PKD1L1: variants seen among roughly 807,000 people sequenced by gnomAD.
PKD1L1 encodes polycystin-1-like protein 1.
In PKD1L1, 236 loss-of-function variants were observed where a neutral mutation model predicts 323.4. That is an observed-to-expected ratio of 0.73 (90% CI 0.66 to 0.81). PKD1L1 has a LOEUF of 0.81. Among genes scored for constraint, PKD1L1 ranks in the 40% least tolerant of loss-of-function variants. The pLI, the probability that PKD1L1 is intolerant of heterozygous loss-of-function variation, is 0.00. For synonymous variants in PKD1L1, 1,344 were observed against 1,335.0 expected, an observed-to-expected ratio of 1.01 and a Z score of -0.15; for missense variants, 3,320 against 3,508.0, an observed-to-expected ratio of 0.95 and a Z score of 1.35.
upstream of PKD1L1, among the ~76,000 whole-genome samples, chr7:47,953,452 G>A (rs1158206951): frequency 3.9e-5 from 6 of 152,136 alleles, no homozygotes; most frequent in Non-Finnish European, 8.8e-5. Context: ...CTACTTATGT[G>A]AGCCCAGATC....
At chr7:47,957,092 T>G in the PKD1L1 span, 1 of 156,826 alleles carries the variant, frequency 6.4e-6, no homozygotes, top group African/African-American at 2.4e-5. Flanking sequence ...ATATATCTTC[T>G]GCACAGTTTG....
rs1171838451 is a variant in PKD1L1 at position 47,774,674 on chromosome 7, T to C, written c.*469A>G. On this transcript the variant is annotated 3_prime_UTR_variant, in exon 57 of 57. Transcript: ENST00000289672. The stretch of plus-strand genomic sequence containing the variant: ...AATCAGGAAAGATGCGTTATTAATC[T>C]AGCAAGATTCAATTGTTAAATTTAC... 1 of 152,672 alleles carries C rather than the reference T, an allele frequency of 6.5e-6. No individual in the cohort carries two copies. Among genetic ancestry groups the C allele is most frequent in the African/African-American group, 2.4e-5 (1 of 41,468 alleles). 9.5% of individuals were successfully genotyped at this position (152,672 alleles called of 1,614,324 possible). A position where few individuals can be genotyped will look rare whatever the true frequency, so the allele number is the denominator to read the frequency against.
chr7:47,904,134 C>A (rs1472719878), intron 12 of PKD1L1, among the ~76,000 whole-genome samples: 1 of 152,182 alleles, frequency 6.6e-6, no homozygotes, highest in Non-Finnish European at 1.5e-5. Context: ...CCATCCCCAC[C>A]ACATCACAGG....
intron 19 of PKD1L1, among the ~76,000 whole-genome samples, chr7:47,882,657 G>T: frequency 8.2e-6 from 1 of 121,786 alleles, no homozygotes; most frequent in African/African-American, 3.1e-5. Flanking sequence ...AATGCTGTGG[G>T]AATGATCTGC....
chr7:47,819,043 CTTA>C (rs1489182378), intron 46 of PKD1L1, among the ~76,000 whole-genome samples: 2 of 152,150 alleles, frequency 1.3e-5, no homozygotes, highest in African/African-American at 4.8e-5. Context: ...CACTCCTGGG[CTTA>C]TTTAGCTTCT....
At chr7:47,911,911 A>G (rs868127525) in intron 8 of PKD1L1, among the ~76,000 whole-genome samples, 21 of 150,870 alleles carry the variant, frequency 1.4e-4, no homozygotes, top group Middle Eastern at 3.4e-3. Flanking sequence ...TCTTTAAATT[A>G]TGAGTAATGC....
At chr7:47,779,915 A>G (rs1786651924) in intron 56 of PKD1L1, among the ~76,000 whole-genome samples, 1 of 152,222 alleles carries the variant, frequency 6.6e-6, no homozygotes. Flanking sequence ...ATTTGTGACT[A>G]GACTATTCTC....
chr7:47,891,364 T>C (rs898277631), intron 15 of PKD1L1, among the ~76,000 whole-genome samples: 1 of 152,162 alleles, frequency 6.6e-6, no homozygotes, highest in Admixed American at 6.5e-5. Context: ...AGCAGGAAGA[T>C]GTCTTCCCCA....
intron 44 of PKD1L1, among the ~76,000 whole-genome samples, chr7:47,828,039 G>C (rs1785271169): frequency 1.3e-5 from 2 of 152,130 alleles, no homozygotes; most frequent in Admixed American, 1.3e-4. Flanking sequence ...CTTCCTCCTA[G>C]AGACTCTGGG....
Position 47,820,784 on chromosome 7 carries a change from TA to T in PKD1L1, c.6965+291del, listed in dbSNP as rs201946567. Among the ~76,000 whole-genome samples the T allele has an allele frequency of 5.3e-3, 809 of 151,270 alleles. 6 individuals are homozygous for T. Among genetic ancestry groups the T allele is most frequent in the Middle Eastern group, 0.01 (3 of 292 alleles). On this transcript the variant is annotated intron_variant, in intron 46 of 56. Coordinates refer to ENST00000289672, the MANE Select transcript of PKD1L1 (RefSeq NM_138295.5). ...TGTCAGTTATTACGAACTGCAACCA[TA>T]GGCTTTGATAGAAGAACTCTGAGGT...
rs563237767 is a variant in PKD1L1, at chr7:47,792,549, A to T, written c.8526+78T>A. 2.1e-6 allele frequency: 3 copies of T among 1,408,648 alleles called. No homozygotes were observed. In the East Asian group the frequency reaches 6.9e-5, roughly 32 times the overall value. The allele number at this position is 1,408,648 out of a possible 1,614,324, so 87.3% of individuals were successfully genotyped here. A position where few individuals can be genotyped will look rare whatever the true frequency, so the allele number is the denominator to read the frequency against. On this transcript the variant is annotated intron_variant, in intron 56 of 56. Coordinates refer to ENST00000289672, the MANE Select transcript of PKD1L1 (RefSeq NM_138295.5). ...TGCAAATGGACCTTATAATTTGGAA[A>T]AACAACTATTCCAAAACTCCTTTAG... is the stretch of plus-strand genomic sequence containing the variant.
intron 28 of PKD1L1, among the ~76,000 whole-genome samples, chr7:47,855,758 C>A (rs1193896645): frequency 8.0e-6 from 1 of 124,802 alleles, no homozygotes; most frequent in Non-Finnish European, 1.7e-5. Flanking sequence ...CGCCTGTAGT[C>A]CCAGCTACTT....
rs963857035 is a variant in PKD1L1, at chr7:47,885,869, T to C, written c.3022A>G (p.Thr1008Ala). 3 of 1,614,034 alleles carry C rather than the reference T, an allele frequency of 1.9e-6. No individual in the cohort carries two copies. The highest frequency in any genetic ancestry group is 2.5e-6 in the Non-Finnish European group (3 of 1,180,002). ...GQPATSAPRG[T>A]PTEPMTGVYW... Reference sequence around the variant, plus strand: ...ACTCCAGTCATGGGCTCTGTGGGGGTTCCCCTTGGAGCTGAAGTGGCAGGT... The same window carrying C: ...ACTCCAGTCATGGGCTCTGTGGGGGCTCCCCTTGGAGCTGAAGTGGCAGGT... The change falls in exon 18 of 57, where the codon ACC (threonine) becomes GCC (alanine). Residue 1008 changes from threonine (T) to alanine (A), a missense_variant. Physicochemically the swap from Thr to Ala is moderately conservative, Grantham distance 58. Coordinates refer to ENST00000289672, the MANE Select transcript of PKD1L1 (RefSeq NM_138295.5).
At chr7:47,776,527 T>A (rs1414852693) in intron 56 of PKD1L1, among the ~76,000 whole-genome samples, 1 of 152,210 alleles carries the variant, frequency 6.6e-6, no homozygotes, top group Non-Finnish European at 1.5e-5. Flanking sequence ...TCTCCACACC[T>A]GTTTGCTCAT....
upstream of PKD1L1, among the ~76,000 whole-genome samples, chr7:47,948,956 G>GAAACA (rs1008458380): frequency 3.9e-5 from 6 of 151,942 alleles, no homozygotes; most frequent in Non-Finnish European, 8.8e-5. Context: ...AAAACAAAAT[G>GAAACA]AAACAAAACA....
intron 54 of PKD1L1, 68 bp downstream of exon 54, chr7:47,800,581 G>A (rs1784638003): frequency 6.6e-7 from 1 of 1,511,166 alleles, no homozygotes; most frequent in Non-Finnish European, 9.1e-7. Flanking sequence ...ATGGACCAGA[G>A]TTTCACCCCA....
intron 49 of PKD1L1, 56 bp from the exon 50 acceptor site, chr7:47,812,107 T>C: frequency 3.5e-6 from 5 of 1,420,296 alleles, no homozygotes; most frequent in Non-Finnish European, 4.8e-6. Context: ...CACAGAAGTC[T>C]ACTGAGGCTC....
At chr7:47,855,800 C>T (rs1261054669) in intron 28 of PKD1L1, among the ~76,000 whole-genome samples, 5 of 89,008 alleles carry the variant, frequency 5.6e-5, no homozygotes, top group African/African-American at 1.2e-4. Flanking sequence ...GGCGTGAACC[C>T]GGGAGGCGGA....
At chr7:47,851,779 C>T (rs1201763645) in intron 31 of PKD1L1, among the ~76,000 whole-genome samples, 1 of 151,940 alleles carries the variant, frequency 6.6e-6, no homozygotes, top group Non-Finnish European at 1.5e-5. Context: ...CAGGCAATTT[C>T]CTGAATGTAC....
Sources: gnomAD v4.1 joint callset for allele counts (sites outside exome capture counted in the v4.1 genomes callset) on GRCh38, gnomAD v4.1.1 for gene constraint, MANE v1.5 for transcripts, NCBI Gene and HGNC (gene_info 2026-07-23, HGNC 2026-07-21) for gene names.